LMCD1: variants seen among roughly 807,000 people sequenced by gnomAD.
LMCD1 encodes the protein LIM and cysteine rich domains 1.
Under a neutral mutation model 42.7 loss-of-function variants are expected in LMCD1, and 32 were observed. The observed-to-expected ratio is 0.75, with a 90% CI of 0.57 to 1.01. The LOEUF is 1.01. Among genes scored for constraint, LMCD1 ranks in the 50% least tolerant of loss-of-function variants. The pLI is 0.00. For missense variants in LMCD1, 458 were observed against 483.1 expected, an observed-to-expected ratio of 0.95 and a Z score of 0.49; for synonymous variants, 178 against 184.9, an observed-to-expected ratio of 0.96 and a Z score of 0.30.
intron 4 of LMCD1, among the ~76,000 whole-genome samples, chr3:8,561,798 G>A (rs531420688): frequency 7.2e-5 from 11 of 152,266 alleles, no homozygotes; most frequent in Non-Finnish European, 1.6e-4. Context: ...ATAGTAATGC[G>A]AGCAAAGTCC....
At chr3:8,516,048 C>A (rs1216939559) in intron 1 of LMCD1, among the ~76,000 whole-genome samples, 1 of 152,160 alleles carries the variant, frequency 6.6e-6, no homozygotes, top group African/African-American at 2.4e-5. Context: ...AAGTTTTATT[C>A]TCCTTCTTCA....
rs1695274294 is a variant in LMCD1, at chr3:8,574,594, G to A, written c.*6996G>A. On this transcript the variant is annotated 3_prime_UTR_variant, in exon 6 of 6. Coordinates refer to ENST00000157600, the MANE Select transcript of LMCD1 (RefSeq NM_014583.4). ...TATAATGCCACTAAAATTCTCATTT[G>A]TATTAATTTTTTTTAATTACTGGCA... 1 of 152,134 alleles carries A rather than the reference G, an allele frequency of 6.6e-6. No homozygotes were observed. The highest frequency in any genetic ancestry group is 2.1e-4 in the South Asian group (1 of 4,832). 9.4% of individuals were successfully genotyped at this position (152,134 alleles called of 1,614,324 possible).
chr3:8,520,914 G>A (rs1694193032), intron 1 of LMCD1, among the ~76,000 whole-genome samples: 1 of 152,272 alleles, frequency 6.6e-6, no homozygotes, highest in East Asian at 1.9e-4. Flanking sequence ...CTCAAATAAC[G>A]GGCTGACTTT....
At chr3:8,554,326 G>C (rs751424220) in intron 4 of LMCD1, among the ~76,000 whole-genome samples, 2 of 152,152 alleles carry the variant, frequency 1.3e-5, no homozygotes, top group South Asian at 4.1e-4. Flanking sequence ...CTGCTTCACC[G>C]GCAGAGTGAA....
At chr3:8,546,537 A>G (rs1694738321) in intron 3 of LMCD1, among the ~76,000 whole-genome samples, 1 of 152,244 alleles carries the variant, frequency 6.6e-6, no homozygotes, top group African/African-American at 2.4e-5. Flanking sequence ...GCCTACAACC[A>G]GGATTTCAGT....
At chr3:8,506,479 G>A (rs1176453202) in intron 1 of LMCD1, among the ~76,000 whole-genome samples, 6 of 152,128 alleles carry the variant, frequency 3.9e-5, no homozygotes, top group South Asian at 2.1e-4. Flanking sequence ...CCGCCCTTAC[G>A]CAGGCCACTT....
At chr3:8,511,955 T>A (rs1694009387) in intron 1 of LMCD1, among the ~76,000 whole-genome samples, 1 of 152,134 alleles carries the variant, frequency 6.6e-6, no homozygotes, top group African/African-American at 2.4e-5. Flanking sequence ...CAGGTCTGTG[T>A]TTTGACAGCA....
At chr3:8,536,077 T>C (rs1694502324) in intron 2 of LMCD1, among the ~76,000 whole-genome samples, 1 of 152,216 alleles carries the variant, frequency 6.6e-6, no homozygotes, top group South Asian at 2.1e-4. Flanking sequence ...GTTTGTGATA[T>C]TCGATCAGAC....
chr3:8,529,882 T>C (rs1694378499), intron 1 of LMCD1, among the ~76,000 whole-genome samples: 1 of 152,232 alleles, frequency 6.6e-6, no homozygotes, highest in Non-Finnish European at 1.5e-5. Context: ...ATAATAAGTG[T>C]GTGCCAAGCC....
At chr3:8,550,318 C>T (rs1177223494) in intron 4 of LMCD1, 6 of 998,076 alleles carry the variant, frequency 6.0e-6, no homozygotes, top group Non-Finnish European at 7.2e-6. Context: ...TGGCAATTAA[C>T]TTTTGGAGAT....
chr3:8,544,271 C>T (rs761489370), intron 3 of LMCD1, among the ~76,000 whole-genome samples: 1 of 152,164 alleles, frequency 6.6e-6, no homozygotes, highest in Non-Finnish European at 1.5e-5. Context: ...GAGATACTTT[C>T]TCAGTCTGAC....
chr3:8,516,097 G>A (rs768311605), intron 1 of LMCD1, among the ~76,000 whole-genome samples: 2 of 152,160 alleles, frequency 1.3e-5, no homozygotes, highest in African/African-American at 4.8e-5. Context: ...GATGGTGGAC[G>A]AGCCAGGCCT....
chr3:8,502,271 A>ATATATAAAATATATAATATATAT (rs1693739911), intron 1 of LMCD1, among the ~76,000 whole-genome samples: 1 of 51,176 alleles, frequency 2.0e-5, no homozygotes, highest in Non-Finnish European at 4.0e-5. Context: ...TATAAAATAT[A>ATATATAAAATATATAATATATAT]TATATAAAAT....
At position 8,501,925 on chromosome 3, in the gene LMCD1, C is replaced by T. The variant is rs778308075; in HGVS notation, c.-14C>T. The T allele has an allele frequency of 2.5e-6, 4 of 1,585,872 alleles. No homozygotes were observed. The highest frequency in any genetic ancestry group is 1.7e-4 in the Middle Eastern group (1 of 6,012). On this transcript the variant is annotated 5_prime_UTR_variant, in exon 1 of 6. Coordinates refer to ENST00000157600, the MANE Select transcript of LMCD1 (RefSeq NM_014583.4). ...CCTGAGAAGCCAGGCGCTGTTCCCC[C>T]ACCCCAGAAGAGGATGGCAAAGGTG...
At chr3:8,549,689 AATTT>A (rs1294655665) in intron 4 of LMCD1, among the ~76,000 whole-genome samples, 3 of 152,294 alleles carry the variant, frequency 2.0e-5, no homozygotes, top group African/African-American at 7.2e-5. Flanking sequence ...GAAACTGGGT[AATTT>A]ATAAAGAAAA....
chr3:8,531,373 A>G (rs369693984), intron 1 of LMCD1, among the ~76,000 whole-genome samples: 1 of 152,204 alleles, frequency 6.6e-6, no homozygotes, highest in Non-Finnish European at 1.5e-5. Flanking sequence ...AGTCTGCTCT[A>G]ATAAACTCAT....
chr3:8,532,968 G>T (rs1694440596), intron 2 of LMCD1, 143 bp downstream of exon 2: 2 of 695,762 alleles, frequency 2.9e-6, no homozygotes, highest in Admixed American at 2.5e-5. Flanking sequence ...AGGCACTCCT[G>T]CTTGGTCCAA....
intron 4 of LMCD1, chr3:8,550,447 C>T (rs775734160): frequency 1.0e-6 from 1 of 986,106 alleles, no homozygotes; most frequent in Non-Finnish European, 1.2e-6. Context: ...GCTGCCACAT[C>T]CAGAGAGGGC....
intron 1 of LMCD1, among the ~76,000 whole-genome samples, chr3:8,514,044 A>G (rs1248502689): frequency 6.6e-6 from 1 of 152,076 alleles, no homozygotes; most frequent in African/African-American, 2.4e-5. Context: ...CATTTTGAAT[A>G]TTTATGTGTG....
Sources: gnomAD v4.1 joint callset for allele counts (sites outside exome capture counted in the v4.1 genomes callset) on GRCh38, gnomAD v4.1.1 for gene constraint, MANE v1.5 for transcripts, NCBI Gene and HGNC (gene_info 2026-07-23, HGNC 2026-07-21) for gene names.